TIAM2: variants seen among roughly 807,000 people sequenced by gnomAD.
The protein encoded by TIAM2 is rho guanine nucleotide exchange factor TIAM2.
A neutral mutation model predicts 152.9 loss-of-function variants in TIAM2; 80 were observed. That is an observed-to-expected ratio of 0.52 (90% CI 0.44 to 0.63). The LOEUF (loss-of-function observed/expected upper bound fraction) is 0.63, where lower values mean the gene tolerates loss of function less well. TIAM2 is among the 30% of genes least tolerant of loss of function. TIAM2 has a pLI of 0.00. For missense variants in TIAM2, 1,965 were observed against 2,120.1 expected (o/e 0.93, Z 1.44); for synonymous variants, 804 against 838.0 (o/e 0.96, Z 0.70).
intron 1 of TIAM2, among the ~76,000 whole-genome samples, chr6:154,999,713 C>T (rs1778282154): frequency 6.6e-6 from 1 of 151,922 alleles, no homozygotes; most frequent in South Asian, 2.1e-4. Flanking sequence ...CACTCTGTAG[C>T]CCAGGCTGGA....
intron 19 of TIAM2, among the ~76,000 whole-genome samples, chr6:155,246,203 G>A (rs1213981058): frequency 6.6e-6 from 1 of 152,118 alleles, no homozygotes; most frequent in Admixed American, 6.5e-5. Context: ...TTTCCCAAAG[G>A]TTGCTCTTCG....
At chr6:155,086,741 C>T (rs1421008597) in intron 1 of TIAM2, among the ~76,000 whole-genome samples, 1 of 148,746 alleles carries the variant, frequency 6.7e-6, no homozygotes, top group African/African-American at 2.5e-5. Flanking sequence ...CAAAAACCAC[C>T]AAAATGACCA....
At chr6:155,031,811 A>C (rs1324026729) in intron 1 of TIAM2, among the ~76,000 whole-genome samples, 1 of 152,226 alleles carries the variant, frequency 6.6e-6, no homozygotes, top group African/African-American at 2.4e-5. Context: ...GGGCTTAAAG[A>C]TGAAAACATA....
At chr6:155,053,870 T>C (rs564352499) in intron 1 of TIAM2, among the ~76,000 whole-genome samples, 5 of 152,336 alleles carry the variant, frequency 3.3e-5, no homozygotes, top group African/African-American at 1.2e-4. Context: ...TTACACTTTT[T>C]ATAGTCAGCA....
intron 1 of TIAM2, among the ~76,000 whole-genome samples, chr6:155,066,039 C>G (rs974865479): frequency 2.6e-5 from 4 of 152,130 alleles, no homozygotes; most frequent in Non-Finnish European, 5.9e-5. Flanking sequence ...TAGCATTTAA[C>G]TTTTGAAACT....
chr6:155,122,516 AT>A (rs1198331696), intron 2 of TIAM2, among the ~76,000 whole-genome samples: 71 of 109,736 alleles, frequency 6.5e-4, no homozygotes, highest in Middle Eastern at 4.8e-3. Context: ...TGGAGAATGG[AT>A]GGTAGGATTT....
intron 1 of TIAM2, among the ~76,000 whole-genome samples, chr6:155,072,575 G>C (rs558329598): frequency 6.6e-6 from 1 of 152,262 alleles, no homozygotes; most frequent in South Asian, 2.1e-4. Flanking sequence ...TAAGGGGTTA[G>C]GGTAGGGTTG....
At chr6:155,237,805 A>G (rs1010856819) in intron 15 of TIAM2, among the ~76,000 whole-genome samples, 2 of 152,052 alleles carry the variant, frequency 1.3e-5, no homozygotes, top group Non-Finnish European at 2.9e-5. Flanking sequence ...CAGCATGGGG[A>G]CCCTGGGCTT....
intron 3 of TIAM2, among the ~76,000 whole-genome samples, chr6:155,128,646 G>A (rs941548370): frequency 1.3e-5 from 2 of 151,486 alleles, no homozygotes; most frequent in African/African-American, 4.9e-5. Context: ...GATCTCTTGA[G>A]CCCAGGAGTT....
Position 155,244,784 on chromosome 6 carries a change from G to GT in TIAM2, c.3543+2dup, listed in dbSNP as rs1783223347. 3 of 1,605,700 alleles carry GT rather than the reference G, an allele frequency of 1.9e-6. No individual in the cohort carries two copies. Among genetic ancestry groups the GT allele is most frequent in the East Asian group, 2.2e-5 (1 of 44,692 alleles). On this transcript the variant is annotated splice_donor_variant, in intron 18 of 26. Coordinates refer to ENST00000682666, the MANE Select transcript of TIAM2 (RefSeq NM_012454.4). LOFTEE classifies it high-confidence loss of function. The stretch of plus-strand genomic sequence containing the variant: ...CCTAGAAACCCCCTCACAGTTTAGA[G>GT]TAAGTATCTCAGATTTAGGCTTAAA...
At chr6:155,037,603 A>G (rs140949085) in intron 1 of TIAM2, among the ~76,000 whole-genome samples, 4,900 of 152,128 alleles carry the variant, frequency 0.032, 277 homozygotes, top group African/African-American at 0.11. Context: ...ATCTCTGCTC[A>G]CTGCAACCTC....
At chr6:155,001,407 G>T (rs1324789756) in intron 1 of TIAM2, among the ~76,000 whole-genome samples, 1 of 152,132 alleles carries the variant, frequency 6.6e-6, no homozygotes, top group Non-Finnish European at 1.5e-5. Context: ...AACAAATAAA[G>T]GATCTTAATA....
At chr6:155,217,739 GGAGATACACA>G (rs1781897141) in intron 15 of TIAM2, among the ~76,000 whole-genome samples, 1 of 152,174 alleles carries the variant, frequency 6.6e-6, no homozygotes. Context: ...TTGAGAATCT[GGAGATACACA>G]GCGTGACAAC....
Position 155,010,349 on chromosome 6 carries a change from A to T in TIAM2, c.-209+14857A>T, listed in dbSNP as rs373774876. ...TAGTAGAACTGGGGAAATTCTAGTA[A>T]GAAAAGAAATGGGGTAAAGGGTTTG... On this transcript the variant is annotated intron_variant, in intron 1 of 26. Coordinates refer to ENST00000682666, the MANE Select transcript of TIAM2 (RefSeq NM_012454.4). Among the ~76,000 whole-genome samples the T allele has an allele frequency of 1.8e-4, 28 of 152,380 alleles. 1 individual carries two copies. In the South Asian group the frequency reaches 1.9e-3, roughly 10 times the overall value.
At chr6:155,245,755 GT>G (rs11435976) in intron 19 of TIAM2, 24 bp downstream of exon 19, 1,771 of 1,020,444 alleles carry the variant, frequency 1.7e-3, no homozygotes, top group South Asian at 4.6e-3. Context: ...GCCTTTTATA[GT>G]TTTTTTTTTT....
In TIAM2 at chr6:155,129,160, G is replaced by T; in HGVS notation, c.-6-58G>T. 1 of 1,502,196 alleles carries T rather than the reference G, an allele frequency of 6.7e-7. No homozygotes were observed. The highest frequency in any genetic ancestry group is 9.1e-7 in the Non-Finnish European group (1 of 1,097,920). The allele number at this position is 1,502,196 out of a possible 1,614,324, so 93.1% of individuals were successfully genotyped here. A position where few individuals can be genotyped will look rare whatever the true frequency, so the allele number is the denominator to read the frequency against. On this transcript the variant is annotated intron_variant, in intron 3 of 26. Coordinates refer to ENST00000682666, the MANE Select transcript of TIAM2 (RefSeq NM_012454.4). The surrounding 1 kb of genome is among the most constrained non-coding windows in gnomAD (Gnocchi z 4.8). ...CAGGGCATTCTTTTTAGAAAGTTCT[G>T]TCATAATGGAATGTAATTTAGGCCA...
chr6:155,032,246 G>A (rs999167885), intron 1 of TIAM2, among the ~76,000 whole-genome samples: 26 of 152,164 alleles, frequency 1.7e-4, no homozygotes, highest in African/African-American at 6.0e-4. Context: ...CTGCTTGTCT[G>A]TGCACAGGAA....
rs527378593 is a variant in TIAM2, at chr6:155,161,531, G to A, written c.2029-2884G>A. On this transcript the variant is annotated intron_variant, in intron 7 of 26. Coordinates refer to ENST00000682666, the MANE Select transcript of TIAM2 (RefSeq NM_012454.4). ...GAGATTGTCTTCTTCCCCAACCTGT[G>A]GTGATTGGCATAGACCTGAATTTTA... is the stretch of plus-strand genomic sequence containing the variant. Among the ~76,000 whole-genome samples, 11 of 151,814 alleles carry A rather than the reference G, an allele frequency of 7.2e-5. No individual in the cohort carries two copies. The South Asian group carries it at 2.3e-3, about 32-fold the overall frequency.
intron 1 of TIAM2, among the ~76,000 whole-genome samples, chr6:155,055,843 T>C (rs1196303927): frequency 6.6e-6 from 1 of 152,022 alleles, no homozygotes; most frequent in Non-Finnish European, 1.5e-5. Flanking sequence ...CATGCCTGTA[T>C]CCTAGCTACT....
Sources: allele counts gnomAD v4.1 joint callset (sites outside exome capture counted in the v4.1 genomes callset), GRCh38; gene constraint gnomAD v4.1.1; non-coding constraint Gnocchi (gnomAD v3.1); transcripts MANE v1.5; gene names NCBI Gene and HGNC (gene_info 2026-07-23, HGNC 2026-07-21).